KHDRBS2: variants seen among roughly 807,000 people sequenced by gnomAD.
KHDRBS2 encodes the protein KH RNA binding domain containing, signal transduction associated 2, also known as KH domain-containing, RNA-binding, signal transduction-associated protein 2.
KHDRBS2 carries 26 observed loss-of-function variants against 44.3 expected under a neutral mutation model. The observed-to-expected ratio is 0.59, with a 90% CI of 0.43 to 0.81. The LOEUF (loss-of-function observed/expected upper bound fraction) is 0.81, where lower values mean the gene tolerates loss of function less well. Ranked by LOEUF, KHDRBS2 falls within the 40% of genes least tolerant of loss-of-function variation. KHDRBS2 has a pLI of 0.00. For synonymous variants in KHDRBS2, 194 were observed against 151.1 expected, an observed-to-expected ratio of 1.28 and a Z score of -2.08; for missense variants, 476 against 433.1, an observed-to-expected ratio of 1.10 and a Z score of -0.88.
At chr6:62,083,350 T>C (rs1297111004) in intron 2 of KHDRBS2, among the ~76,000 whole-genome samples, 1 of 152,242 alleles carries the variant, frequency 6.6e-6, no homozygotes. Flanking sequence ...TTCCCCATCC[T>C]ATTGAGGGCC....
chr6:61,723,050 C>A (rs1026431811), intron 7 of KHDRBS2, among the ~76,000 whole-genome samples: 1 of 152,094 alleles, frequency 6.6e-6, no homozygotes, highest in African/African-American at 2.4e-5. Context: ...TGTTTTGCAG[C>A]TTTCACTGGT....
chr6:62,011,392 T>A (rs1169359630), intron 3 of KHDRBS2, among the ~76,000 whole-genome samples: 1 of 152,168 alleles, frequency 6.6e-6, no homozygotes, highest in Non-Finnish European at 1.5e-5. Flanking sequence ...AACAATGATG[T>A]AGAAATGTGA....
At chr6:62,149,618 T>TTCA in intron 2 of KHDRBS2, among the ~76,000 whole-genome samples, 1 of 152,304 alleles carries the variant, frequency 6.6e-6, no homozygotes, top group Admixed American at 6.5e-5. Flanking sequence ...TTAACAAATA[T>TTCA]TCATTAAATA....
chr6:62,250,530 G>A (rs1300049215), intron 1 of KHDRBS2, among the ~76,000 whole-genome samples: 2 of 152,082 alleles, frequency 1.3e-5, no homozygotes, highest in East Asian at 1.9e-4. Context: ...AAGAAGGGAG[G>A]GAGGGAGGAA....
At chr6:62,201,677 A>G (rs1827024190) in intron 1 of KHDRBS2, among the ~76,000 whole-genome samples, 2 of 152,110 alleles carry the variant, frequency 1.3e-5, no homozygotes, top group Non-Finnish European at 2.9e-5. Flanking sequence ...AGAATAAAAT[A>G]ATTTGTTCCA....
chr6:61,911,655 CA>C (rs2127351586), intron 4 of KHDRBS2, among the ~76,000 whole-genome samples: 1 of 152,062 alleles, frequency 6.6e-6, no homozygotes, highest in Non-Finnish European at 1.5e-5. Context: ...GAAAGAAGGA[CA>C]TTTGCTATAT....
rs1788072392 is a variant in KHDRBS2, at chr6:62,047,932, T to C, written c.282A>G (p.Glu94=). The C allele has an allele frequency of 1.2e-6, 2 of 1,612,454 alleles. No homozygotes were observed. Among genetic ancestry groups the C allele is most frequent in the Admixed American group, 1.7e-5 (1 of 59,860 alleles). Residue 94 remains glutamate, a synonymous_variant, in exon 3 of 9, where the codon GAA becomes GAG. Transcript: ENST00000281156. ...RGNSLKRLQE[E]TGAKMSILGK... is the part of the protein sequence containing the mutation. ...CCAGGATAGACATTTTAGCACCTGT[T>C]TCTTCCTGTAGCCTCTTCAAGGAGT...
intron 6 of KHDRBS2, among the ~76,000 whole-genome samples, chr6:61,774,604 A>C (rs1339118839): frequency 2.0e-5 from 3 of 152,284 alleles, no homozygotes; most frequent in African/African-American, 7.2e-5. Context: ...GAGAAGTTGA[A>C]TCTCTGAATA....
chr6:62,211,994 A>T (rs1272152352), intron 1 of KHDRBS2, among the ~76,000 whole-genome samples: 1 of 152,212 alleles, frequency 6.6e-6, no homozygotes, highest in African/African-American at 2.4e-5. Context: ...GAATGAGATC[A>T]TGTCCTTTGC....
chr6:61,905,975 C>T (rs1403334729), intron 4 of KHDRBS2, among the ~76,000 whole-genome samples: 2 of 149,958 alleles, frequency 1.3e-5, no homozygotes, highest in Non-Finnish European at 3.0e-5. Context: ...CCTGCTTCAG[C>T]CTCTTGAGAT....
At chr6:61,749,814 T>C (rs1388233221) in intron 6 of KHDRBS2, among the ~76,000 whole-genome samples, 1 of 152,154 alleles carries the variant, frequency 6.6e-6, no homozygotes. Flanking sequence ...ACTTCTTGAC[T>C]CTGCACATAT....
intron 3 of KHDRBS2, among the ~76,000 whole-genome samples, chr6:62,028,215 T>C (rs1783722845): frequency 6.6e-6 from 1 of 152,246 alleles, no homozygotes; most frequent in Admixed American, 6.6e-5. Flanking sequence ...TTGAGAATAG[T>C]AGCAGAGTAT....
the KHDRBS2 span, among the ~76,000 whole-genome samples, chr6:61,574,756 A>T: frequency 6.6e-6 from 1 of 152,004 alleles, no homozygotes; most frequent in Non-Finnish European, 1.5e-5. Context: ...TAAAAATACA[A>T]AAATTAGCTG....
chr6:61,615,247 A>AAAAAAG, the KHDRBS2 span, among the ~76,000 whole-genome samples: 28 of 150,196 alleles, frequency 1.9e-4, no homozygotes, highest in Non-Finnish European at 3.3e-4. Flanking sequence ...AAAAAAAAAA[A>AAAAAAG]AAAAGAAAGA....
At chr6:61,896,496 T>C (rs1233855184) in intron 5 of KHDRBS2, among the ~76,000 whole-genome samples, 4 of 152,138 alleles carry the variant, frequency 2.6e-5, no homozygotes, top group African/African-American at 9.7e-5. Flanking sequence ...TCTTCCTTCA[T>C]CAACTGACTA....
At chr6:61,710,885 G>A (rs533018259) in intron 7 of KHDRBS2, among the ~76,000 whole-genome samples, 81 of 140,982 alleles carry the variant, frequency 5.7e-4, no homozygotes, top group African/African-American at 1.9e-3. Flanking sequence ...GATGTTGTGC[G>A]AAAAATGCAG....
At chr6:62,269,403 T>G (rs1839720296) in intron 1 of KHDRBS2, among the ~76,000 whole-genome samples, 1 of 151,946 alleles carries the variant, frequency 6.6e-6, no homozygotes, top group Non-Finnish European at 1.5e-5. Context: ...CACAATCCAA[T>G]TAAAAATTTT....
At chr6:61,797,730 T>C in intron 6 of KHDRBS2, among the ~76,000 whole-genome samples, 1 of 28,986 alleles carries the variant, frequency 3.4e-5, no homozygotes, top group African/African-American at 1.5e-4. Flanking sequence ...GTGTTTTGTG[T>C]GTGTGTGTGT....
At chr6:62,137,486 G>C (rs368333155) in intron 2 of KHDRBS2, among the ~76,000 whole-genome samples, 1 of 152,138 alleles carries the variant, frequency 6.6e-6, no homozygotes, top group East Asian at 1.9e-4. Context: ...AATGAAGAAT[G>C]ATAATTATAA....
Sources: gnomAD v4.1 joint callset for allele counts (sites outside exome capture counted in the v4.1 genomes callset) on GRCh38, gnomAD v4.1.1 for gene constraint, MANE v1.5 for transcripts, NCBI Gene and HGNC (gene_info 2026-07-23, HGNC 2026-07-21) for gene names.